The following ABCA12 variants were observed in gnomAD, a reference collection of about 807,000 sequenced individuals.
ABCA12 encodes the protein glucosylceramide transporter ABCA12.
Under a neutral mutation model 293.5 loss-of-function variants are expected in ABCA12, and 156 were observed. That is an observed-to-expected ratio of 0.53 (90% CI 0.47 to 0.61). ABCA12 has a LOEUF of 0.61. Among genes scored for constraint, ABCA12 ranks in the 20% least tolerant of loss-of-function variants. ABCA12 has a pLI of 0.00. For synonymous variants in ABCA12, 1,063 were observed against 1,108.0 expected (o/e 0.96, Z 0.81); for missense variants, 2,797 against 3,090.2 (o/e 0.91, Z 2.25).
At chr2:215,073,800 G>C (rs183948058) in intron 2 of ABCA12, among the ~76,000 whole-genome samples, 1 of 152,134 alleles carries the variant, frequency 6.6e-6, no homozygotes, top group African/African-American at 2.4e-5. Flanking sequence ...AACGAGTTGA[G>C]GATTTAATTC....
intron 1 of ABCA12, among the ~76,000 whole-genome samples, chr2:215,115,669 C>A (rs150996317): frequency 6.6e-6 from 1 of 152,300 alleles, no homozygotes; most frequent in Non-Finnish European, 1.5e-5. Flanking sequence ...CCAGGGCATT[C>A]GTGTCCTTTT....
rs563160154 is a variant in ABCA12 at position 215,132,753 on chromosome 2, C to T, written c.69+5387G>A. Reference sequence around the variant, plus strand: ...TTTATGTTAAAAGTTAATGTTGATACGTGAGATTTTGTTCTTGATGTAATG... The same window carrying T: ...TTTATGTTAAAAGTTAATGTTGATATGTGAGATTTTGTTCTTGATGTAATG... On this transcript the variant is annotated intron_variant, in intron 1 of 52. Transcript: ENST00000272895. Among the ~76,000 whole-genome samples the T allele has an allele frequency of 5.9e-5, 9 of 152,036 alleles. No individual in the cohort carries two copies. In the South Asian group the frequency reaches 8.3e-4, roughly 14 times the overall value.
chr2:215,071,246 AAAAT>A, intron 2 of ABCA12, among the ~76,000 whole-genome samples: 1 of 139,776 alleles, frequency 7.2e-6, no homozygotes. Context: ...AAAATAAAAT[AAAAT>A]AAAATAAAAA....
intron 1 of ABCA12, among the ~76,000 whole-genome samples, chr2:215,114,870 C>T (rs1049263323): frequency 3.3e-5 from 5 of 152,182 alleles, no homozygotes. Flanking sequence ...CTTAATGCCC[C>T]ATAGCTACTT....
chr2:214,933,963 G>A (rs999119624), intron 52 of ABCA12, 115 bp downstream of exon 52: 32 of 1,127,558 alleles, frequency 2.8e-5, no homozygotes, highest in African/African-American at 6.3e-5. Context: ...TCAGGTGCAA[G>A]ACTAGATATT....
chr2:215,015,357 T>G lies in ABCA12; in HGVS notation c.1956+133A>C, dbSNP rs1700469635. On this transcript the variant is annotated intron_variant, in intron 15 of 52. Transcript: ENST00000272895. ...ATGATCTCTAAGGTTGCATTTAGCT[T>G]TAACATAATGCAATAATTCCAAAAG... 5.2e-6 allele frequency: 5 copies of G among 954,482 alleles called. No individual in the cohort carries two copies. In the Admixed American group the frequency reaches 1.1e-4, roughly 21 times the overall value. 59.1% of individuals were successfully genotyped at this position (954,482 alleles called of 1,614,324 possible).
intron 45 of ABCA12, among the ~76,000 whole-genome samples, chr2:214,949,721 C>A (rs75776166): frequency 0.023 from 3,490 of 152,198 alleles, 144 homozygotes; most frequent in African/African-American, 0.079. Context: ...TAGGACCTCA[C>A]TTCTGAAAAC....
Position 214,981,474 on chromosome 2 carries a change from A to G in ABCA12, c.4579+713T>C, listed in dbSNP as rs542720352. The stretch of plus-strand genomic sequence containing the variant: ...GTGTATGTTTGATATCTCTAATTAG[A>G]TTCTTAGCTCCTCTAAGCATTAAAC... On this transcript the variant is annotated intron_variant, in intron 30 of 52. Coordinates refer to ENST00000272895, the MANE Select transcript of ABCA12 (RefSeq NM_173076.3). Among the ~76,000 whole-genome samples the G allele has an allele frequency of 2.0e-4, 30 of 152,216 alleles. 1 individual carries two copies. The South Asian group carries it at 6.2e-3, about 32-fold the overall frequency.
chr2:215,114,033 G>A (rs1313596290), intron 1 of ABCA12, among the ~76,000 whole-genome samples: 1 of 152,094 alleles, frequency 6.6e-6, no homozygotes, highest in Non-Finnish European at 1.5e-5. Flanking sequence ...GGAGTGCAGT[G>A]GTGCAACCTC....
intron 3 of ABCA12, among the ~76,000 whole-genome samples, chr2:215,056,917 G>T (rs1701431041): frequency 6.6e-6 from 1 of 152,034 alleles, no homozygotes; most frequent in Non-Finnish European, 1.5e-5. Context: ...TTAGAACAGT[G>T]GTTGAGAAAT....
At chr2:214,943,772 A>G (rs1427592201) in intron 49 of ABCA12, among the ~76,000 whole-genome samples, 1 of 152,100 alleles carries the variant, frequency 6.6e-6, no homozygotes, top group Non-Finnish European at 1.5e-5. Flanking sequence ...CTCTAATTTC[A>G]TGGTCTATCA....
intron 2 of ABCA12, among the ~76,000 whole-genome samples, chr2:215,104,616 G>A (rs565908496): frequency 3.9e-5 from 6 of 152,318 alleles, no homozygotes; most frequent in South Asian, 2.1e-4. Context: ...ATGTTGGTAT[G>A]TGAAGGGTCA....
intron 39 of ABCA12, among the ~76,000 whole-genome samples, chr2:214,963,685 G>T (rs192743716): frequency 6.6e-6 from 1 of 151,082 alleles, no homozygotes; most frequent in Non-Finnish European, 1.5e-5. Context: ...AGCCCAAGGC[G>T]GGTGGATCAC....
At position 215,052,589 on chromosome 2, in the gene ABCA12, A is replaced by G. The variant is rs79677895; in HGVS notation, c.410-5T>C. On this transcript the variant is annotated splice_region_variant and splice_polypyrimidine_tract_variant and intron_variant, in intron 4 of 52. Coordinates refer to ENST00000272895, the MANE Select transcript of ABCA12 (RefSeq NM_173076.3). ...TTGGACTGGGAAATACTGTGGCTGT[A>G]ATCAAAGAAGGAACAGATTAGCATT... 6.2e-7 allele frequency: 1 copy of G among 1,609,542 alleles called. No individual in the cohort carries two copies. The highest frequency in any genetic ancestry group is 8.5e-7 in the Non-Finnish European group (1 of 1,176,364).
At chr2:215,106,452 AC>A (rs1702465590) in intron 2 of ABCA12, among the ~76,000 whole-genome samples, 1 of 152,204 alleles carries the variant, frequency 6.6e-6, no homozygotes, top group Admixed American at 6.5e-5. Context: ...CATCGGTGAC[AC>A]CCATGACCCA....
rs545807074 is a variant in ABCA12 at position 215,138,559 on chromosome 2, GAAA to G, written c.-354_-352del. The G allele has an allele frequency of 2.0e-3, 443 of 225,874 alleles. No individual in the cohort carries two copies. Among genetic ancestry groups the G allele is most frequent in the South Asian group, 4.2e-3 (80 of 19,110 alleles). The allele number at this position is 225,874 out of a possible 1,614,324, so 14.0% of individuals were successfully genotyped here. A position where few individuals can be genotyped will look rare whatever the true frequency, so the allele number is the denominator to read the frequency against. ...AGCATCATTCAGATAATGCCTCACT[GAAA>G]AAAAAAAAAAAGCAGCAGCTGAACC... On this transcript the variant is annotated 5_prime_UTR_variant, in exon 1 of 53. Transcript: ENST00000272895.
rs565847072 is a variant in ABCA12 at position 215,077,776 on chromosome 2, G to A, written c.164-13557C>T. 3.3e-5 allele frequency among the ~76,000 whole-genome samples: 5 copies of A among 152,190 alleles called. No homozygotes were observed. The South Asian group carries it at 8.3e-4, about 25-fold the overall frequency. ...GTTTCTAAAAGTCAACTCACTGTTC[G>A]ATGAATGCTGTGCTCTCATTTTACA... On this transcript the variant is annotated intron_variant, in intron 2 of 52. Coordinates refer to ENST00000272895, the MANE Select transcript of ABCA12 (RefSeq NM_173076.3).
Position 214,958,415 on chromosome 2 carries a change from G to T in ABCA12, c.5979C>A (p.Ile1993=). The T allele has an allele frequency of 6.2e-7, 1 of 1,613,936 alleles. No individual in the cohort carries two copies. Among genetic ancestry groups the T allele is most frequent in the Non-Finnish European group, 8.5e-7 (1 of 1,179,884 alleles). The part of the protein sequence containing the change: ...SLIDILVALS[I]LMGYSVTTAS... Reference sequence around the variant, plus strand: ...CGGTGGTGACAGAGTAGCCCATCAAGATAGACAGTGCCACTAAAATATCGA... The same window carrying T: ...CGGTGGTGACAGAGTAGCCCATCAATATAGACAGTGCCACTAAAATATCGA... The change falls in exon 41 of 53, where the codon ATC becomes ATA. Residue 1993 remains isoleucine (I), a synonymous_variant. Transcript: ENST00000272895.
At chr2:214,958,143 G>A in intron 41 of ABCA12, 134 bp downstream of exon 41, 1 of 1,233,272 alleles carries the variant, frequency 8.1e-7, no homozygotes. Context: ...CCTGACTCAA[G>A]TCATTTTCTT....
Sources: allele counts gnomAD v4.1 joint callset (sites outside exome capture counted in the v4.1 genomes callset), GRCh38; gene constraint gnomAD v4.1.1; transcripts MANE v1.5; gene names NCBI Gene and HGNC (gene_info 2026-07-23, HGNC 2026-07-21).